The following ENOX2 variants were observed in gnomAD, a reference collection of about 807,000 sequenced individuals.
ENOX2 encodes ecto-NOX disulfide-thiol exchanger 2.
A neutral mutation model predicts 45.0 loss-of-function variants in ENOX2; 36 were observed. That is an observed-to-expected ratio of 0.80 (90% CI 0.61 to 1.06). The LOEUF (loss-of-function observed/expected upper bound fraction) is 1.06, where lower values mean the gene tolerates loss of function less well. ENOX2 is among the 50% of genes least tolerant of loss of function. The pLI, the probability that ENOX2 is intolerant of heterozygous loss-of-function variation, is 0.00. For missense variants in ENOX2, 423 were observed against 462.5 expected (o/e 0.91, Z 0.78); for synonymous variants, 174 against 152.3 (o/e 1.14, Z -1.05).
chrX:130,698,040 A>C (rs1181035050), intron 4 of ENOX2, among the ~76,000 whole-genome samples: 1 of 111,461 alleles, frequency 9.0e-6, no homozygotes, highest in African/African-American at 3.3e-5. Context: ...GGGGACCTCA[A>C]TACACAGTCT....
intron 2 of ENOX2, among the ~76,000 whole-genome samples, chrX:130,799,031 T>C (rs1235168079): frequency 1.8e-5 from 2 of 112,021 alleles, no homozygotes. Flanking sequence ...GATTGAAGGA[T>C]ACAAAGTATT....
chrX:130,658,133 A>T (rs1219425296), intron 9 of ENOX2, among the ~76,000 whole-genome samples: 1 of 112,203 alleles, frequency 8.9e-6, no homozygotes, highest in Non-Finnish European at 1.9e-5. Flanking sequence ...CTATCTTTTC[A>T]TTCATTATGA....
At position 130,635,034 on chromosome X, in the gene ENOX2, T is replaced by G. The variant is rs754528873; in HGVS notation, c.1369A>C (p.Lys457Gln). ...TTTTCCACCTGTAACTTGTCATCTT[T>G]GAGTTTTTCAAGTTCAGCTTCTTTC... ...KKKEAELEKLKDDKLQVEKML... is the reference protein window; with the variant it reads ...KKKEAELEKLQDDKLQVEKML... Residue 457 changes from lysine to glutamine, a missense_variant, in exon 12 of 15, where the codon AAA becomes CAA. This residue lies in a region of ENOX2 where 108 missense variants were observed against 70.6 expected (regional missense o/e 1.53). Coordinates refer to ENST00000394363, the MANE Select transcript of ENOX2 (RefSeq NM_006375.4). The G allele has an allele frequency of 8.3e-7, 1 of 1,200,082 alleles. No individual in the cohort carries two copies. The highest frequency in any genetic ancestry group is 1.1e-6 in the Non-Finnish European group (1 of 886,018).
chrX:130,823,710 T>C (rs1315113562), intron 2 of ENOX2, among the ~76,000 whole-genome samples: 1 of 111,733 alleles, frequency 8.9e-6, no homozygotes, highest in Non-Finnish European at 1.9e-5. Flanking sequence ...CCTCTCCAAA[T>C]ATACTTCACT....
At chrX:130,827,418 A>C in intron 2 of ENOX2, among the ~76,000 whole-genome samples, 1 of 111,598 alleles carries the variant, frequency 9.0e-6, no homozygotes. Context: ...TTCTGTGGGA[A>C]GCATTTCTAC....
At chrX:130,795,834 G>A (rs759810845) in intron 2 of ENOX2, among the ~76,000 whole-genome samples, 1 of 110,869 alleles carries the variant, frequency 9.0e-6, no homozygotes, top group East Asian at 2.8e-4. Flanking sequence ...TTTCCACCTG[G>A]AGAACTTTTA....
chrX:130,834,792 A>T (rs757834725), intron 2 of ENOX2, among the ~76,000 whole-genome samples: 132 of 111,688 alleles, frequency 1.2e-3, no homozygotes, highest in Non-Finnish European at 2.1e-3. Flanking sequence ...TAGTCAAATA[A>T]AATGTTATAA....
chrX:130,803,638 G>A (rs1475173601), intron 2 of ENOX2, among the ~76,000 whole-genome samples: 1 of 111,777 alleles, frequency 8.9e-6, no homozygotes, highest in Non-Finnish European at 1.9e-5. Context: ...ATTACAGATA[G>A]GAGCTGGAAT....
chrX:130,828,201 C>T (rs2077755658), intron 2 of ENOX2, among the ~76,000 whole-genome samples: 1 of 111,810 alleles, frequency 8.9e-6, no homozygotes, highest in Non-Finnish European at 1.9e-5. Flanking sequence ...ATAATTCATA[C>T]TAACTAATCT....
chrX:130,632,964 G>C (rs899976843), intron 12 of ENOX2, among the ~76,000 whole-genome samples: 10 of 112,230 alleles, frequency 8.9e-5, no homozygotes, highest in African/African-American at 3.2e-4. Context: ...AAGTGTGAGA[G>C]TTTAACAGAT....
intron 2 of ENOX2, among the ~76,000 whole-genome samples, chrX:130,865,517 T>C (rs2078481152): frequency 8.9e-6 from 1 of 112,235 alleles, no homozygotes; most frequent in South Asian, 3.7e-4. Context: ...TAGTTATTTT[T>C]CTTCAATATG....
Position 130,784,396 on chromosome X carries a change from G to C in ENOX2, c.-182-706C>G, listed in dbSNP as rs761047967. Among the ~76,000 whole-genome samples, 30 of 111,305 alleles carry C rather than the reference G, an allele frequency of 2.7e-4. 1 individual carries two copies. The highest frequency in any genetic ancestry group is 9.5e-4 in the African/African-American group (29 of 30,661). On this transcript the variant is annotated intron_variant, in intron 2 of 14. Coordinates refer to ENST00000394363, the MANE Select transcript of ENOX2 (RefSeq NM_006375.4). ...CATGGTTCAATCAGGGGCAAGCAGA[G>C]ACAGAGACAGTTCTTACTCCTCTGG...
At chrX:130,835,251 T>G (rs1040418386) in intron 2 of ENOX2, among the ~76,000 whole-genome samples, 4 of 111,633 alleles carry the variant, frequency 3.6e-5, no homozygotes, top group African/African-American at 1.3e-4. Flanking sequence ...AGTTAAATAG[T>G]AAAAATAGCT....
intron 2 of ENOX2, among the ~76,000 whole-genome samples, chrX:130,793,428 G>A (rs995466250): frequency 8.9e-6 from 1 of 111,773 alleles, no homozygotes; most frequent in Non-Finnish European, 1.9e-5. Flanking sequence ...CTCTTTGCTT[G>A]GATTCTGTTT....
At chrX:130,810,932 G>A (rs111614929) in intron 2 of ENOX2, among the ~76,000 whole-genome samples, 1,813 of 111,972 alleles carry the variant, frequency 0.016, 9 homozygotes, top group South Asian at 0.025. Flanking sequence ...CCCAGCATCA[G>A]ACTAGCCTCA....
chrX:130,624,525 G>T lies in ENOX2; in HGVS notation c.*789C>A, dbSNP rs1190522052. 8.9e-6 allele frequency: 1 copy of T among 112,477 alleles called. No individual in the cohort carries two copies. The highest frequency in any genetic ancestry group is 3.2e-5 in the African/African-American group (1 of 30,880). 9.3% of individuals were successfully genotyped at this position (112,477 alleles called of 1,213,427 possible). On this transcript the variant is annotated 3_prime_UTR_variant, in exon 15 of 15. Transcript: ENST00000394363. ...TGTTTGTGCGTGTGTGCCCACACAT[G>T]AGCATATTTTAATTCACAGAAAACT...
chrX:130,679,369 G>A (rs1054583268), intron 6 of ENOX2, among the ~76,000 whole-genome samples, 173 bp downstream of exon 6: 10 of 111,650 alleles, frequency 9.0e-5, no homozygotes, highest in Admixed American at 3.8e-4. Flanking sequence ...AGACAACTGG[G>A]AGCTACTGAA....
intron 2 of ENOX2, among the ~76,000 whole-genome samples, chrX:130,847,309 G>C (rs752904229): frequency 9.0e-6 from 1 of 110,954 alleles, no homozygotes; most frequent in Admixed American, 9.6e-5. Flanking sequence ...TAATATATAA[G>C]CATAATTTCT....
At chrX:130,783,924 C>T (rs1025520314) in intron 2 of ENOX2, among the ~76,000 whole-genome samples, 1 of 111,828 alleles carries the variant, frequency 8.9e-6, no homozygotes, top group East Asian at 2.8e-4. Context: ...CCTGTTTCTG[C>T]GGCAACTTAA....
Sources: gnomAD v4.1 joint callset for allele counts (sites outside exome capture counted in the v4.1 genomes callset) on GRCh38, gnomAD v4.1.1 for gene constraint, gnomAD v4.1.1 regional missense constraint, MANE v1.5 for transcripts, NCBI Gene and HGNC (gene_info 2026-07-23, HGNC 2026-07-21) for gene names.